Variants in ZNF518A observed in about 807,000 individuals in gnomAD.
ZNF518A encodes zinc finger protein 518A.
ZNF518A carries 47 observed loss-of-function variants against 102.7 expected under a neutral mutation model. That is an observed-to-expected ratio of 0.46 (90% confidence interval 0.36 to 0.58). The LOEUF is 0.58. Among genes scored for constraint, ZNF518A ranks in the 20% least tolerant of loss-of-function variants. ZNF518A has a pLI of 0.00. For missense variants in ZNF518A, 1,793 were observed against 1,699.8 expected (o/e 1.05, Z -0.96); for synonymous variants, 652 against 594.6 (o/e 1.10, Z -1.40).
rs1554884743 is a variant in ZNF518A at position 96,158,527 on chromosome 10, T to G, written c.2205T>G (p.Ser735Arg). 1 of 1,612,870 alleles carries G rather than the reference T, an allele frequency of 6.2e-7. No individual in the cohort carries two copies. ...GQNIDGQNLY[S>R]NENQNLECAT... The stretch of plus-strand genomic sequence containing the variant: ...ACATTGATGGACAAAACCTGTACAG[T>G]AATGAAAATCAAAATTTAGAGTGTG... Residue 735 changes from serine (S) to arginine (R), a missense_variant, in exon 6 of 6, where the codon AGT becomes AGG. Physicochemically the swap from Ser to Arg is moderately radical, Grantham distance 110. Coordinates refer to ENST00000316045, the MANE Select transcript of ZNF518A (RefSeq NM_001330736.2).
At chr10:96,150,083 G>A (rs1368757460) in intron 3 of ZNF518A, among the ~76,000 whole-genome samples, 6 of 151,854 alleles carry the variant, frequency 4.0e-5, no homozygotes, top group African/African-American at 1.5e-4. Flanking sequence ...TGAGCACTTT[G>A]GGAGGCTGAG....
intron 1 of ZNF518A, among the ~76,000 whole-genome samples, chr10:96,195,202 G>A (rs1417609997): frequency 6.6e-6 from 1 of 152,180 alleles, no homozygotes; most frequent in Non-Finnish European, 1.5e-5. Context: ...ACCCTCGTGT[G>A]CTGTTGGTGG....
At chr10:96,193,816 C>T (rs1172121901) in intron 1 of ZNF518A, among the ~76,000 whole-genome samples, 2 of 152,128 alleles carry the variant, frequency 1.3e-5, no homozygotes, top group African/African-American at 4.8e-5. Flanking sequence ...CTTTTTCTAG[C>T]CATGTACACA....
At chr10:96,148,432 C>A (rs1349006675) in intron 3 of ZNF518A, among the ~76,000 whole-genome samples, 1 of 151,866 alleles carries the variant, frequency 6.6e-6, no homozygotes, top group African/African-American at 2.4e-5. Flanking sequence ...AAGAGTGGAA[C>A]TCTGTCTCAA....
downstream of ZNF518A, among the ~76,000 whole-genome samples, chr10:96,165,511 A>G (rs185137725): frequency 3.0e-4 from 46 of 151,946 alleles, no homozygotes; most frequent in Admixed American, 1.2e-3. Context: ...CCAAACCTGT[A>G]AGATATAACT....
chr10:96,149,477 A>T (rs1554879707), intron 3 of ZNF518A, among the ~76,000 whole-genome samples: 1 of 152,222 alleles, frequency 6.6e-6, no homozygotes, highest in Non-Finnish European at 1.5e-5. Flanking sequence ...AAACAACAGT[A>T]ACCAATAGCA....
At chr10:96,165,902 C>T (rs2083136010), downstream of ZNF518A, among the ~76,000 whole-genome samples, 1 of 152,142 alleles carries the variant, frequency 6.6e-6, no homozygotes, top group Non-Finnish European at 1.5e-5. Context: ...TGTCTGCAAG[C>T]TAGAGACGTA....
In ZNF518A at chr10:96,200,946, G is replaced by T. The variant is rs1279166342; in HGVS notation, n.36-2628G>T. On this transcript the variant is annotated intron_variant and non_coding_transcript_variant, in intron 1 of 2. Transcript: ENST00000442635. The surrounding 1 kb of genome is among the most constrained non-coding windows in gnomAD (Gnocchi z 4.3). The stretch of plus-strand genomic sequence containing the variant: ...ACATGCTCTTTCCTGCAGTTTCCTG[G>T]TAACAATTTAGTGACATCAAGAGTT... 6 of 1,578,346 alleles carry T rather than the reference G, an allele frequency of 3.8e-6. No individual in the cohort carries two copies. In the African/African-American group the frequency reaches 5.4e-5, roughly 14 times the overall value.
chr10:96,176,677 C>T (rs995780491), intron 1 of ZNF518A, among the ~76,000 whole-genome samples: 1 of 152,198 alleles, frequency 6.6e-6, no homozygotes, highest in Non-Finnish European at 1.5e-5. Flanking sequence ...AGGAAGATCA[C>T]CTGAGGTCAG....
At position 96,185,150 on chromosome 10, in the gene ZNF518A, A is replaced by T. The variant is rs587644739; in HGVS notation, n.36-18424A>T. On this transcript the variant is annotated intron_variant and non_coding_transcript_variant, in intron 1 of 2. Transcript: ENST00000442635. ...TTCTCGTGCCATGGTTTTCAGCTCCATCAGGTCATTTAAGGTCTTCTCTAC... is the reference window on the plus strand; with the variant it reads ...TTCTCGTGCCATGGTTTTCAGCTCCTTCAGGTCATTTAAGGTCTTCTCTAC... 2.6e-5 allele frequency among the ~76,000 whole-genome samples: 4 copies of T among 152,298 alleles called. No individual in the cohort carries two copies. The East Asian group carries it at 7.7e-4, about 29-fold the overall frequency.
chr10:96,174,757 G>C (rs2083193493), intron 1 of ZNF518A, among the ~76,000 whole-genome samples: 1 of 151,996 alleles, frequency 6.6e-6, no homozygotes, highest in African/African-American at 2.4e-5. Context: ...TAGATAGATA[G>C]ATAGATAGCA....
chr10:96,133,556 A>G (rs2081445587), intron 2 of ZNF518A, 27 bp from the exon 3 acceptor site: 1 of 152,178 alleles, frequency 6.6e-6, no homozygotes, highest in Non-Finnish European at 1.5e-5. Context: ...CAAAACACAG[A>G]TGTCTCCTAC....
At chr10:96,167,133 A>G (rs1770956596), downstream of ZNF518A, among the ~76,000 whole-genome samples, 1 of 152,218 alleles carries the variant, frequency 6.6e-6, no homozygotes, top group Admixed American at 6.5e-5. Context: ...AGGGATACCA[A>G]ATTTAGGATA....
chr10:96,158,479 G>A lies in ZNF518A; in HGVS notation c.2157G>A (p.Gln719=), dbSNP rs2082818671. 6.2e-7 allele frequency: 1 copy of A among 1,612,630 alleles called. No homozygotes were observed. The highest frequency in any genetic ancestry group is 8.5e-7 in the Non-Finnish European group (1 of 1,179,530). ...TLKAKSEIEE[Q]YVLEKGQNID... is the part of the protein sequence containing the mutation. ...AAGCAAAATCTGAAATTGAAGAACA[G>A]TATGTTTTAGAAAAAGGACAAAACA... is the stretch of plus-strand genomic sequence containing the variant. The change falls in exon 6 of 6, where the codon CAG becomes CAA. Residue 719 remains glutamine, a synonymous_variant. Transcript: ENST00000316045.
At chr10:96,183,430 T>A (rs1204612681) in intron 1 of ZNF518A, among the ~76,000 whole-genome samples, 1 of 152,226 alleles carries the variant, frequency 6.6e-6, no homozygotes, top group Non-Finnish European at 1.5e-5. Context: ...AGATCTTTCC[T>A]GCTTTCTCTT....
intron 1 of ZNF518A, chr10:96,189,625 ACTTTTGTGCATTTTTGG>A (rs1190068340): frequency 1.4e-6 from 1 of 705,082 alleles, no homozygotes; most frequent in Non-Finnish European, 2.6e-6. Context: ...TTCTGATTTG[ACTTTTGTGCATTTTTGG>A]CTGGAGTATG....
At chr10:96,147,852 AAAAAGTTATT>A (rs2082242494) in intron 3 of ZNF518A, among the ~76,000 whole-genome samples, 1 of 152,128 alleles carries the variant, frequency 6.6e-6, no homozygotes, top group Non-Finnish European at 1.5e-5. Flanking sequence ...TCAGTACTTT[AAAAAGTTATT>A]TTATTGATGA....
At position 96,159,349 on chromosome 10, in the gene ZNF518A, C is replaced by T; in HGVS notation, c.3027C>T (p.Cys1009=). Residue 1009 remains cysteine (C), a synonymous_variant, in exon 6 of 6, where the codon TGC becomes TGT. Coordinates refer to ENST00000316045, the MANE Select transcript of ZNF518A (RefSeq NM_001330736.2). ...PARGTVTKEP[C]KTPILKVEPN... is the part of the protein sequence containing the mutation. ...GTGGAACTGTGACTAAGGAGCCTTGCAAAACACCTATTTTGAAGGTAGAAC... is the reference window on the plus strand; with the variant it reads ...GTGGAACTGTGACTAAGGAGCCTTGTAAAACACCTATTTTGAAGGTAGAAC... 3.7e-6 allele frequency: 6 copies of T among 1,613,774 alleles called. No individual in the cohort carries two copies. Among genetic ancestry groups the T allele is most frequent in the Non-Finnish European group, 5.1e-6 (6 of 1,179,770 alleles).
intron 1 of ZNF518A, among the ~76,000 whole-genome samples, chr10:96,173,686 A>G (rs782438030): frequency 6.6e-6 from 1 of 152,210 alleles, no homozygotes. Context: ...ATAGTTGGAC[A>G]CTTTGATACT....
Sources: gnomAD v4.1 joint callset for allele counts (sites outside exome capture counted in the v4.1 genomes callset) on GRCh38, gnomAD v4.1.1 for gene constraint, Gnocchi (gnomAD v3.1) non-coding constraint, MANE v1.5 for transcripts, NCBI Gene and HGNC (gene_info 2026-07-23, HGNC 2026-07-21) for gene names.